MAML3: variants seen among roughly 807,000 people sequenced by gnomAD.
MAML3 encodes the protein mastermind-like protein 3.
A neutral mutation model predicts 101.9 loss-of-function variants in MAML3; 27 were observed. The ratio of observed to expected loss-of-function variants is 0.27; its 90% CI spans 0.20 to 0.37. MAML3 has a LOEUF of 0.37. Ranked by LOEUF, MAML3 falls within the 10% of genes least tolerant of loss-of-function variation. The pLI, the probability that MAML3 is intolerant of heterozygous loss-of-function variation, is 1.00. For missense variants in MAML3, 1,316 were observed against 1,444.9 expected, an observed-to-expected ratio of 0.91 and a Z score of 1.45; for synonymous variants, 501 against 555.9, an observed-to-expected ratio of 0.90 and a Z score of 1.39.
At chr4:139,907,819 A>G (rs533118996) in intron 1 of MAML3, among the ~76,000 whole-genome samples, 40 of 152,342 alleles carry the variant, frequency 2.6e-4, no homozygotes, top group African/African-American at 9.4e-4. Flanking sequence ...GCTAACTTAT[A>G]CAACTGTGCA....
intron 2 of MAML3, among the ~76,000 whole-genome samples, chr4:139,804,335 T>G (rs980113557): frequency 6.6e-6 from 1 of 151,976 alleles, no homozygotes; most frequent in Non-Finnish European, 1.5e-5. Flanking sequence ...GGCGTGATCT[T>G]GACTCACTGC....
At chr4:140,087,459 G>A (rs1221921086) in intron 1 of MAML3, among the ~76,000 whole-genome samples, 1 of 152,192 alleles carries the variant, frequency 6.6e-6, no homozygotes, top group Non-Finnish European at 1.5e-5. Flanking sequence ...TCTTCACAAT[G>A]ATTTGGAATT....
At chr4:140,152,817 A>ACCC in intron 1 of MAML3, 43 bp downstream of exon 1, 1 of 1,511,734 alleles carries the variant, frequency 6.6e-7, no homozygotes, top group Non-Finnish European at 8.9e-7. Flanking sequence ...CACCACCACC[A>ACCC]CCCCCAACGC....
intron 1 of MAML3, among the ~76,000 whole-genome samples, chr4:140,061,771 A>G (rs1376162841): frequency 6.6e-6 from 1 of 152,186 alleles, no homozygotes; most frequent in Non-Finnish European, 1.5e-5. Context: ...GTTGGCAGAA[A>G]TTACCACTAA....
At chr4:139,883,458 A>G (rs566502038) in intron 2 of MAML3, among the ~76,000 whole-genome samples, 2 of 152,194 alleles carry the variant, frequency 1.3e-5, no homozygotes, top group African/African-American at 2.4e-5. Context: ...CACTATGCAA[A>G]AATTAGTCTT....
intron 1 of MAML3, among the ~76,000 whole-genome samples, chr4:140,008,592 C>CT (rs70943465): frequency 0.21 from 32,432 of 151,148 alleles, 4,266 homozygotes; most frequent in Non-Finnish European, 0.29. Flanking sequence ...AGGTCTTACT[C>CT]TTTTTTTTCT....
intron 2 of MAML3, among the ~76,000 whole-genome samples, chr4:139,751,231 A>G (rs182616846): frequency 6.6e-6 from 1 of 152,336 alleles, no homozygotes; most frequent in East Asian, 1.9e-4. Flanking sequence ...CTACTATGAT[A>G]CTTAAAATAT....
intron 1 of MAML3, among the ~76,000 whole-genome samples, chr4:140,013,262 T>C (rs770377863): frequency 2.3e-4 from 35 of 152,206 alleles, no homozygotes; most frequent in Admixed American, 4.6e-4. Flanking sequence ...TGCCATCTTG[T>C]CTCCCTACAG....
chr4:139,966,723 T>C (rs1734137901), intron 1 of MAML3, among the ~76,000 whole-genome samples: 1 of 152,022 alleles, frequency 6.6e-6, no homozygotes, highest in African/African-American at 2.4e-5. Context: ...TAAATTGGAG[T>C]CCAGCATTAT....
Position 139,893,073 on chromosome 4 carries a change from T to C in MAML3, c.469-2106A>G, listed in dbSNP as rs145183960. On this transcript the variant is annotated intron_variant, in intron 1 of 4. Transcript: ENST00000509479. ...CTTACCCTACATTTTCCATAAACTC[T>C]CTTGAGACTTATAGTTCCTTAAAGG... Among the ~76,000 whole-genome samples, 264 of 152,182 alleles carry C rather than the reference T, an allele frequency of 1.7e-3. 4 individuals are homozygous for C. Among genetic ancestry groups the C allele is most frequent in the African/African-American group, 6.0e-3 (251 of 41,514 alleles).
rs1430525269 is a variant in MAML3 at position 139,997,525 on chromosome 4, A to T, written c.469-106558T>A. Among the ~76,000 whole-genome samples, 4 of 152,238 alleles carry T rather than the reference A, an allele frequency of 2.6e-5. No homozygotes were observed. In the East Asian group the frequency reaches 7.7e-4, roughly 29 times the overall value. ...CATCTACATTTGCTATAGACTTAAT[A>T]GTAGAGTGTTAAAATTATTACTTTA... On this transcript the variant is annotated intron_variant, in intron 1 of 4. Transcript: ENST00000509479.
intron 2 of MAML3, among the ~76,000 whole-genome samples, chr4:139,822,846 G>A (rs1345329647): frequency 2.0e-5 from 3 of 152,160 alleles, no homozygotes; most frequent in Admixed American, 6.5e-5. Flanking sequence ...TGATGACATC[G>A]TTTTTACCAT....
intron 1 of MAML3, among the ~76,000 whole-genome samples, chr4:140,028,960 G>T (rs559836086): frequency 2.0e-5 from 3 of 152,132 alleles, no homozygotes; most frequent in Non-Finnish European, 2.9e-5. Flanking sequence ...TGTTGTCATT[G>T]TCACTTTTAG....
chr4:139,950,714 T>C (rs910727323), intron 1 of MAML3, among the ~76,000 whole-genome samples: 1 of 152,138 alleles, frequency 6.6e-6, no homozygotes, highest in African/African-American at 2.4e-5. Flanking sequence ...CTGTGAATAG[T>C]TGTGGTTTGA....
intron 1 of MAML3, among the ~76,000 whole-genome samples, chr4:139,953,913 T>A (rs1384148614): frequency 6.6e-6 from 1 of 152,120 alleles, no homozygotes; most frequent in Admixed American, 6.5e-5. Context: ...GAGTCAGGGG[T>A]TGCTTCTTCT....
chr4:139,781,547 C>G (rs1000654298), intron 2 of MAML3, among the ~76,000 whole-genome samples: 6 of 133,506 alleles, frequency 4.5e-5, no homozygotes, highest in African/African-American at 1.3e-4. Context: ...TACAGCACAC[C>G]CATTACGGCT....
chr4:139,906,735 TATTA>T (rs1349591731), intron 1 of MAML3, among the ~76,000 whole-genome samples: 1 of 152,230 alleles, frequency 6.6e-6, no homozygotes, highest in Non-Finnish European at 1.5e-5. Flanking sequence ...GCCATCCACA[TATTA>T]TTTATGCAGT....
chr4:139,732,156 T>C (rs1157778859), intron 2 of MAML3, among the ~76,000 whole-genome samples: 1 of 152,192 alleles, frequency 6.6e-6, no homozygotes, highest in African/African-American at 2.4e-5. Flanking sequence ...TAAATCCAAA[T>C]TGGATTTTAA....
chr4:139,937,450 A>G (rs930252229), intron 1 of MAML3, among the ~76,000 whole-genome samples: 1 of 151,114 alleles, frequency 6.6e-6, no homozygotes, highest in Non-Finnish European at 1.5e-5. Context: ...GTGGTGGTGC[A>G]ATCTCAGCTC....
Sources: allele counts gnomAD v4.1 joint callset (sites outside exome capture counted in the v4.1 genomes callset), GRCh38; gene constraint gnomAD v4.1.1; transcripts MANE v1.5; gene names NCBI Gene and HGNC (gene_info 2026-07-23, HGNC 2026-07-21).